The following ADARB2 variants were observed in gnomAD, a reference collection of about 807,000 sequenced individuals.
ADARB2 encodes inactive double-stranded RNA-specific editase B2.
In ADARB2, 25 loss-of-function variants were observed where a neutral mutation model predicts 62.2. The observed-to-expected ratio is 0.40, with a 90% confidence interval of 0.29 to 0.56. The LOEUF is 0.56. ADARB2 is among the 20% of genes least tolerant of loss of function. The pLI is 0.43. For synonymous variants in ADARB2, 572 were observed against 500.8 expected, an observed-to-expected ratio of 1.14 and a Z score of -1.90; for missense variants, 1,071 against 1,077.4, an observed-to-expected ratio of 0.99 and a Z score of 0.08.
At chr10:1,247,568 G>A (rs548156264) in intron 4 of ADARB2, among the ~76,000 whole-genome samples, 10 of 152,274 alleles carry the variant, frequency 6.6e-5, no homozygotes, top group Non-Finnish European at 8.8e-5. Context: ...GAGGGCGGGC[G>A]TCATCATCTC....
intron 1 of ADARB2, among the ~76,000 whole-genome samples, chr10:1,490,238 C>G (rs1255622778): frequency 6.6e-6 from 1 of 152,084 alleles, no homozygotes; most frequent in Non-Finnish European, 1.5e-5. Flanking sequence ...TAGGATTCCA[C>G]CACTCAGAAA....
At chr10:1,561,829 G>A (rs927452752) in intron 1 of ADARB2, among the ~76,000 whole-genome samples, 4 of 152,136 alleles carry the variant, frequency 2.6e-5, no homozygotes, top group East Asian at 1.9e-4. Flanking sequence ...CCCCAGCACC[G>A]CCGCTCCCTC....
Position 1,363,142 on chromosome 10 carries a change from C to T in ADARB2, c.963G>A (p.Gly321=). Residue 321 remains glycine (G), a synonymous_variant, in exon 3 of 10, where the codon GGG becomes GGA. Transcript: ENST00000381312. The part of the protein sequence containing the change: ...SVDGRTFEGS[G]RSKKLARGQA... ...GACCCCGGGCCAGCTTCTTGCTGCG[C>T]CCCGAGCCCTCGAACGTCCTGCCGT... 3 of 1,548,966 alleles carry T rather than the reference C, an allele frequency of 1.9e-6. No homozygotes were observed. The highest frequency in any genetic ancestry group is 2.6e-6 in the Non-Finnish European group (3 of 1,156,876).
At chr10:1,496,250 A>G (rs1306906641) in intron 1 of ADARB2, among the ~76,000 whole-genome samples, 1 of 151,904 alleles carries the variant, frequency 6.6e-6, no homozygotes, top group Non-Finnish European at 1.5e-5. Context: ...CACCATCATC[A>G]TTGTCATCAG....
At chr10:1,357,210 G>A (rs1429697090) in intron 3 of ADARB2, among the ~76,000 whole-genome samples, 4 of 152,228 alleles carry the variant, frequency 2.6e-5, no homozygotes, top group Non-Finnish European at 5.9e-5. Flanking sequence ...CACAAAGTGA[G>A]TGAGACTGAA....
intron 1 of ADARB2, among the ~76,000 whole-genome samples, chr10:1,610,777 GAC>G (rs1833559504): frequency 6.6e-6 from 1 of 151,682 alleles, no homozygotes; most frequent in African/African-American, 2.4e-5. Flanking sequence ...CACATGCACA[GAC>G]ACACATGTGC....
At chr10:1,241,663 A>T (rs1215064148) in intron 5 of ADARB2, among the ~76,000 whole-genome samples, 1 of 152,234 alleles carries the variant, frequency 6.6e-6, no homozygotes, top group African/African-American at 2.4e-5. Flanking sequence ...AACCCTGGGA[A>T]TCCCAATACT....
intron 3 of ADARB2, among the ~76,000 whole-genome samples, chr10:1,323,250 TAAAAAAA>T (rs201803705): frequency 7.7e-6 from 1 of 130,460 alleles, no homozygotes; most frequent in African/African-American, 2.6e-5. Flanking sequence ...TTTGAAATTG[TAAAAAAA>T]AAAAAAAAAA....
At chr10:1,547,413 G>A (rs1250449745) in intron 1 of ADARB2, among the ~76,000 whole-genome samples, 27 of 72,166 alleles carry the variant, frequency 3.7e-4, no homozygotes, top group South Asian at 7.6e-4. Flanking sequence ...ACTGGCGTAT[G>A]CACTATGGGG....
Position 1,242,152 on chromosome 10 carries a change from G to C in ADARB2, c.1340C>G (p.Thr447Arg). ...ARRAFLHFLYTQLELHLSKRR... is the reference protein window; with the variant it reads ...ARRAFLHFLYRQLELHLSKRR... Reference sequence around the variant, plus strand: ...TCACCTCAGGTGCAGCTCCAGCTGCGTGTAGAGGAAGTGCAGGAACGCCCG... The same window carrying C: ...TCACCTCAGGTGCAGCTCCAGCTGCCTGTAGAGGAAGTGCAGGAACGCCCG... The change falls in exon 5 of 10, where the codon ACG becomes AGG. Residue 447 changes from threonine to arginine, a missense_variant. Coordinates refer to ENST00000381312, the MANE Select transcript of ADARB2 (RefSeq NM_018702.4). The C allele has an allele frequency of 6.2e-7, 1 of 1,609,198 alleles. No homozygotes were observed. Among genetic ancestry groups the C allele is most frequent in the Non-Finnish European group, 8.5e-7 (1 of 1,179,450 alleles).
In ADARB2 at chr10:1,363,562, C is replaced by T. The variant is rs1421238208; in HGVS notation, c.543G>A (p.Ala181=). 2.5e-6 allele frequency: 4 copies of T among 1,575,194 alleles called. No homozygotes were observed. The highest frequency in any genetic ancestry group is 2.6e-6 in the Non-Finnish European group (3 of 1,161,434). The change falls in exon 3 of 10, where the codon GCG becomes GCA. Residue 181 remains alanine, a synonymous_variant. Coordinates refer to ENST00000381312, the MANE Select transcript of ADARB2 (RefSeq NM_018702.4). ...CGAAGGACCTGAGTGCCAGCTCCGCCGCGCGCATCTTGGCCTTCTTCTTGG... is the reference window on the plus strand; with the variant it reads ...CGAAGGACCTGAGTGCCAGCTCCGCTGCGCGCATCTTGGCCTTCTTCTTGG... ...GPTKKKAKMR[A]AELALRSFVQ...
At chr10:1,348,785 G>A (rs1308945187) in intron 3 of ADARB2, among the ~76,000 whole-genome samples, 3 of 152,212 alleles carry the variant, frequency 2.0e-5, no homozygotes, top group East Asian at 1.9e-4. Context: ...TGAGGCCAAC[G>A]CTGGGAGCTG....
chr10:1,344,806 C>A (rs985226166), intron 3 of ADARB2, among the ~76,000 whole-genome samples: 6 of 152,230 alleles, frequency 3.9e-5, no homozygotes, highest in African/African-American at 1.4e-4. Context: ...TCAGCACCCA[C>A]ATTCTATGAA....
At chr10:1,202,097 CTGTT>C (rs1001595727) in intron 7 of ADARB2, among the ~76,000 whole-genome samples, 71 of 122,756 alleles carry the variant, frequency 5.8e-4, no homozygotes, top group African/African-American at 1.6e-3. Context: ...GAAGTGTTTT[CTGTT>C]TGTTTGTTTT....
chr10:1,457,785 G>A (rs2820633), intron 1 of ADARB2, among the ~76,000 whole-genome samples: 101,498 of 151,762 alleles, frequency 0.67, 34,697 homozygotes, highest in Non-Finnish European at 0.75. Context: ...CTAGCCCTAA[G>A]ACTGAGTTCT....
chr10:1,425,515 C>T lies in ADARB2; in HGVS notation c.101-46355G>A, dbSNP rs530647864. ...CTGAATGTGTTGCTGTCCAGGATTC[C>T]AGGGATTTGCTTGCATACTCCCAGT... On this transcript the variant is annotated intron_variant, in intron 1 of 9. Transcript: ENST00000381312. Among the ~76,000 whole-genome samples the T allele has an allele frequency of 3.3e-5, 5 of 152,206 alleles. No individual in the cohort carries two copies. In the East Asian group the frequency reaches 7.7e-4, roughly 24 times the overall value.
chr10:1,240,479 C>T (rs1228465769), intron 5 of ADARB2: 1 of 152,198 alleles, frequency 6.6e-6, no homozygotes, highest in East Asian at 1.9e-4. Flanking sequence ...ACAGAACAGA[C>T]ATTTTCTCCA....
chr10:1,457,262 C>G (rs1831105994), intron 1 of ADARB2, among the ~76,000 whole-genome samples: 2 of 152,182 alleles, frequency 1.3e-5, no homozygotes, highest in Admixed American at 6.5e-5. Context: ...GAGTGGTGAG[C>G]ATGAGGGCTG....
At position 1,261,831 on chromosome 10, in the gene ADARB2, A is replaced by G. The variant is rs1160165208; in HGVS notation, c.1192+9124T>C. ...GACTATAAATCTTGCTGCTATAAAGACACATGCACACGTATGTTTATTGTG... is the reference window on the plus strand; with the variant it reads ...GACTATAAATCTTGCTGCTATAAAGGCACATGCACACGTATGTTTATTGTG... On this transcript the variant is annotated intron_variant, in intron 4 of 9. Transcript: ENST00000381312. Among the ~76,000 whole-genome samples the G allele has an allele frequency of 1.3e-5, 2 of 150,124 alleles. 1 individual carries two copies. The highest frequency in any genetic ancestry group is 5.1e-5 in the African/African-American group (2 of 39,486).
Sources: gnomAD v4.1 joint callset for allele counts (sites outside exome capture counted in the v4.1 genomes callset) on GRCh38, gnomAD v4.1.1 for gene constraint, MANE v1.5 for transcripts, NCBI Gene and HGNC (gene_info 2026-07-23, HGNC 2026-07-21) for gene names.